HECW2: variants seen among roughly 807,000 people sequenced by gnomAD.
The protein encoded by HECW2 is E3 ubiquitin-protein ligase HECW2.
Under a neutral mutation model 175.2 loss-of-function variants are expected in HECW2, and 61 were observed. The ratio of observed to expected loss-of-function variants is 0.35; its 90% CI spans 0.28 to 0.43. The LOEUF (loss-of-function observed/expected upper bound fraction) is 0.43. Ranked by LOEUF, HECW2 falls within the 20% of genes least tolerant of loss-of-function variation. HECW2 has a pLI of 1.00. For missense variants in HECW2, 1,524 were observed against 2,000.5 expected (o/e 0.76, Z 4.54); for synonymous variants, 671 against 731.0 (o/e 0.92, Z 1.32).
chr2:196,551,306 C>A (rs1024576409), intron 1 of HECW2, among the ~76,000 whole-genome samples: 1 of 152,164 alleles, frequency 6.6e-6, no homozygotes, highest in Non-Finnish European at 1.5e-5. Context: ...ACACTTACAG[C>A]CAAGGACAGG....
At chr2:196,218,512 T>C (rs1336878635) in intron 26 of HECW2, among the ~76,000 whole-genome samples, 2 of 152,294 alleles carry the variant, frequency 1.3e-5, no homozygotes, top group South Asian at 4.1e-4. Flanking sequence ...TATTAATGCA[T>C]TGCTATTAGA....
Position 196,304,193 on chromosome 2 carries a change from T to C in HECW2, c.2814+2295A>G, listed in dbSNP as rs557752162. On this transcript the variant is annotated intron_variant, in intron 13 of 28. Coordinates refer to ENST00000644978, the MANE Select transcript of HECW2 (RefSeq NM_001348768.2). Reference sequence around the variant, plus strand: ...CATATTATGTGCCACAGAAAACTCATTCCTACCCCTGAGTCTCTGCACTTC... The same window carrying C: ...CATATTATGTGCCACAGAAAACTCACTCCTACCCCTGAGTCTCTGCACTTC... Among the ~76,000 whole-genome samples, 247 of 152,148 alleles carry C rather than the reference T, an allele frequency of 1.6e-3. 1 individual carries two copies. The highest frequency in any genetic ancestry group is 2.8e-3 in the Non-Finnish European group (188 of 68,012).
intron 21 of HECW2, chr2:196,239,397 G>C (rs1688367889): frequency 6.6e-6 from 1 of 152,194 alleles, no homozygotes; most frequent in Admixed American, 6.5e-5. Flanking sequence ...AGTACCAGAT[G>C]AAAGACAAAC....
chr2:196,236,148 C>T (rs1316845488), intron 21 of HECW2, among the ~76,000 whole-genome samples: 15 of 152,010 alleles, frequency 9.9e-5, no homozygotes, highest in African/African-American at 3.1e-4. Context: ...TATACCAATG[C>T]CACTACTAAT....
chr2:196,556,080 C>T (rs1689781687), intron 1 of HECW2, among the ~76,000 whole-genome samples: 1 of 152,180 alleles, frequency 6.6e-6, no homozygotes, highest in African/African-American at 2.4e-5. Context: ...ACCTCTCCTT[C>T]ATAATACTTA....
Position 196,319,266 on chromosome 2 carries a change from G to T in HECW2, c.1624C>A (p.Pro542Thr). 6.2e-7 allele frequency: 1 copy of T among 1,606,950 alleles called. No individual in the cohort carries two copies. The highest frequency in any genetic ancestry group is 1.1e-5 in the South Asian group (1 of 89,146). The part of the protein sequence containing the change: ...NLPELAESSL[P>T]AGPAPEEGEG... Reference sequence around the variant, plus strand: ...CCTTCCTCTGGGGCTGGGCCTGCAGGTAAGGAGCTCTCTGCAAGCTCTGGA... The same window carrying T: ...CCTTCCTCTGGGGCTGGGCCTGCAGTTAAGGAGCTCTCTGCAAGCTCTGGA... The change falls in exon 9 of 29, where the codon CCT (proline) becomes ACT (threonine). Residue 542 changes from proline (P) to threonine (T), a missense_variant. Physicochemically the swap from Pro to Thr is conservative, Grantham distance 38 (BLOSUM62 -1). Coordinates refer to ENST00000644978, the MANE Select transcript of HECW2 (RefSeq NM_001348768.2).
At chr2:196,518,654 C>CA (rs747681637) in intron 1 of HECW2, among the ~76,000 whole-genome samples, 8,190 of 74,236 alleles carry the variant, frequency 0.11, 313 homozygotes, top group Non-Finnish European at 0.13. Context: ...GATTCTGTCT[C>CA]AAAAAAAAAA....
At chr2:196,274,620 T>C (rs962909938) in intron 15 of HECW2, among the ~76,000 whole-genome samples, 2 of 152,208 alleles carry the variant, frequency 1.3e-5, no homozygotes, top group African/African-American at 4.8e-5. Flanking sequence ...ATGTGGGGTT[T>C]CGAGTTAGTG....
intron 1 of HECW2, among the ~76,000 whole-genome samples, chr2:196,557,567 G>T (rs1689846590): frequency 6.6e-6 from 1 of 151,630 alleles, no homozygotes; most frequent in Admixed American, 6.6e-5. Context: ...TCAGCCCAAG[G>T]GGAAAAAAAA....
intron 18 of HECW2, among the ~76,000 whole-genome samples, chr2:196,254,654 G>A (rs904186439): frequency 1.3e-5 from 2 of 152,130 alleles, no homozygotes; most frequent in Admixed American, 1.3e-4. Flanking sequence ...AGTAACCAGA[G>A]ACCTGAGCTC....
chr2:196,511,897 G>C (rs951617719), intron 1 of HECW2, among the ~76,000 whole-genome samples: 1 of 152,172 alleles, frequency 6.6e-6, no homozygotes, highest in African/African-American at 2.4e-5. Flanking sequence ...CAGGAACTTG[G>C]CACCCTTGCT....
At chr2:196,351,283 G>A (rs917891052) in intron 2 of HECW2, among the ~76,000 whole-genome samples, 3 of 151,522 alleles carry the variant, frequency 2.0e-5, no homozygotes, top group Admixed American at 2.0e-4. Context: ...TCCACACACA[G>A]AGATGGGTGT....
chr2:196,373,690 G>A (rs1414075635), intron 2 of HECW2, among the ~76,000 whole-genome samples: 2 of 151,978 alleles, frequency 1.3e-5, no homozygotes, highest in Non-Finnish European at 2.9e-5. Context: ...AGAGTACAAG[G>A]GGAAACAAAC....
At chr2:196,374,210 T>C (rs561815773) in intron 2 of HECW2, among the ~76,000 whole-genome samples, 20 of 152,262 alleles carry the variant, frequency 1.3e-4, no homozygotes, top group South Asian at 4.1e-4. Flanking sequence ...AGCCATCCCA[T>C]GATATTCTCA....
chr2:196,303,882 A>T (rs1691162257), intron 13 of HECW2, among the ~76,000 whole-genome samples: 1 of 152,110 alleles, frequency 6.6e-6, no homozygotes, highest in Non-Finnish European at 1.5e-5. Flanking sequence ...TATTAGCAAG[A>T]ATGTCATCTC....
intron 2 of HECW2, among the ~76,000 whole-genome samples, chr2:196,421,196 A>T (rs1174417719): frequency 6.6e-6 from 1 of 152,170 alleles, no homozygotes; most frequent in African/African-American, 2.4e-5. Flanking sequence ...ATATGCAGAA[A>T]ATAAATAAGA....
At position 196,494,423 on chromosome 2, in the gene HECW2, T is replaced by C. The variant is rs538204344; in HGVS notation, c.-35-60965A>G. On this transcript the variant is annotated intron_variant, in intron 1 of 28. Coordinates refer to ENST00000644978, the MANE Select transcript of HECW2 (RefSeq NM_001348768.2). ...CAATGGCCCCAGGTAACAGGGAAGATGATACAGATTCAAGAGATATTTTCA... is the reference window on the plus strand; with the variant it reads ...CAATGGCCCCAGGTAACAGGGAAGACGATACAGATTCAAGAGATATTTTCA... 2.4e-4 allele frequency among the ~76,000 whole-genome samples: 36 copies of C among 152,288 alleles called. No homozygotes were observed. In the South Asian group the frequency reaches 6.8e-3, roughly 29 times the overall value.
At chr2:196,363,735 G>A (rs557859990) in intron 2 of HECW2, among the ~76,000 whole-genome samples, 5 of 152,254 alleles carry the variant, frequency 3.3e-5, no homozygotes, top group African/African-American at 1.2e-4. Flanking sequence ...GAGGTGGGAG[G>A]AGCGCTTGAG....
chr2:196,337,256 C>T (rs1161611119), intron 3 of HECW2, among the ~76,000 whole-genome samples: 1 of 151,580 alleles, frequency 6.6e-6, no homozygotes, highest in African/African-American at 2.4e-5. Flanking sequence ...GAAGTTGGTG[C>T]CCAGGGGCAC....
Sources: allele counts gnomAD v4.1 joint callset (sites outside exome capture counted in the v4.1 genomes callset), GRCh38; gene constraint gnomAD v4.1.1; transcripts MANE v1.5; gene names NCBI Gene and HGNC (gene_info 2026-07-23, HGNC 2026-07-21).